FOXRED2: variants seen among roughly 807,000 people sequenced by gnomAD.
FOXRED2 encodes FAD dependent oxidoreductase domain containing 2.
FOXRED2 carries 32 observed loss-of-function variants against 52.5 expected under a neutral mutation model. The ratio of observed to expected loss-of-function variants is 0.61; its 90% CI spans 0.46 to 0.82. The LOEUF is 0.82. Ranked by LOEUF, FOXRED2 falls within the 40% of genes least tolerant of loss-of-function variation. The pLI, the probability that FOXRED2 is intolerant of heterozygous loss-of-function variation, is 0.00. For missense variants in FOXRED2, 848 were observed against 937.5 expected, an observed-to-expected ratio of 0.90 and a Z score of 1.25; for synonymous variants, 405 against 398.1, an observed-to-expected ratio of 1.02 and a Z score of -0.21.
At position 36,506,369 on chromosome 22, in the gene FOXRED2, G is replaced by A. The variant is rs911774976; in HGVS notation, c.54C>T (p.Ala18=). The change falls in exon 2 of 9, where the codon GCC becomes GCT. Residue 18 remains alanine, a synonymous_variant. Transcript: ENST00000397224. ...PLWGPPGLLL[A]IALHPALSVP... ...CCGACAGCGCTGGGTGCAGGGCGAT[G>A]GCCAGGAGCAGCCCCGGGGGACCCC... is the stretch of plus-strand genomic sequence containing the variant. The A allele has an allele frequency of 1.2e-5, 17 of 1,450,156 alleles. No individual in the cohort carries two copies. The highest frequency in any genetic ancestry group is 2.8e-5 in the South Asian group (2 of 70,414). 89.8% of individuals were successfully genotyped at this position (1,450,156 alleles called of 1,614,324 possible).
rs140581249 is a variant in FOXRED2, at chr22:36,500,429, T to A, written c.1216+812A>T. On this transcript the variant is annotated intron_variant, in intron 5 of 8. Transcript: ENST00000397224. ...CCATTTACTCCTAAAATCACAAGTA[T>A]CAATTTTTGGTTGGGGATTATTTTA... is the stretch of plus-strand genomic sequence containing the variant. Among the ~76,000 whole-genome samples the A allele has an allele frequency of 2.2e-3, 333 of 152,306 alleles. 3 individuals carry two copies. Among genetic ancestry groups the A allele is most frequent in the Non-Finnish European group, 9.0e-4 (61 of 68,026 alleles).
rs1332770232 is a variant in FOXRED2, at chr22:36,506,351, C to A, written c.72G>T (p.Ala24=). 6.8e-7 allele frequency: 1 copy of A among 1,479,022 alleles called. No individual in the cohort carries two copies. Among genetic ancestry groups the A allele is most frequent in the Admixed American group, 2.3e-5 (1 of 44,220 alleles). The allele number at this position is 1,479,022 out of a possible 1,614,324, so 91.6% of individuals were successfully genotyped here. A position where few individuals can be genotyped will look rare whatever the true frequency, so the allele number is the denominator to read the frequency against. ...GLLLAIALHP[A]LSVPPRRDYC... Reference sequence around the variant, plus strand: ...AGTCCCGGCGCGGGGGCACCGACAGCGCTGGGTGCAGGGCGATGGCCAGGA... The same window carrying A: ...AGTCCCGGCGCGGGGGCACCGACAGAGCTGGGTGCAGGGCGATGGCCAGGA... The change falls in exon 2 of 9, where the codon GCG becomes GCT. Residue 24 remains alanine (A), a synonymous_variant. Coordinates refer to ENST00000397224, the MANE Select transcript of FOXRED2 (RefSeq NM_001102371.2).
chr22:36,504,121 G>T lies in FOXRED2; in HGVS notation c.1026C>A (p.Asn342Lys). 1 of 1,614,218 alleles carries T rather than the reference G, an allele frequency of 6.2e-7. No individual in the cohort carries two copies. Among genetic ancestry groups the T allele is most frequent in the Non-Finnish European group, 8.5e-7 (1 of 1,180,030 alleles). ...ACTTATTGAAAATGGAGAAGTCAAAGTTCCAGCCCAGGCAGCGGATTACCC... is the reference window on the plus strand; with the variant it reads ...ACTTATTGAAAATGGAGAAGTCAAATTTCCAGCCCAGGCAGCGGATTACCC... ...YDRVIRCLGW[N>K]FDFSIFNKSL... The change falls in exon 4 of 9, where the codon AAC (asparagine) becomes AAA (lysine). Residue 342 changes from asparagine (N) to lysine (K), a missense_variant. Transcript: ENST00000397224.
At chr22:36,493,563 G>T in intron 8 of FOXRED2, 70 bp downstream of exon 8, 1 of 1,402,634 alleles carries the variant, frequency 7.1e-7, no homozygotes, top group Non-Finnish European at 9.9e-7. Flanking sequence ...AACTCCACGG[G>T]TCTTGGGTCT....
chr22:36,504,685 G>A lies in FOXRED2; in HGVS notation c.609C>T (p.Ser203=), dbSNP rs61730825. 4,195 of 1,614,174 alleles carry A rather than the reference G, an allele frequency of 2.6e-3. 9 individuals are homozygous for A. The highest frequency in any genetic ancestry group is 3.4e-3 in the African/African-American group (258 of 75,048). Residue 203 remains serine (S), a synonymous_variant, in exon 3 of 9, where the codon TCC becomes TCT. Transcript: ENST00000397224. ...CAAAGTCCTCAGGGTCCACGGACAC[G>A]GACTCGTAACCCTCTGCATATTCGG... ...PGSEYAEGYE[S]VSVDPEDFVG...
At chr22:36,494,228 T>C (rs1310838931) in intron 7 of FOXRED2, among the ~76,000 whole-genome samples, 2 of 152,178 alleles carry the variant, frequency 1.3e-5, no homozygotes, top group Non-Finnish European at 2.9e-5. Flanking sequence ...GCGATTCTTG[T>C]GCCTCTGCCT....
chr22:36,495,136 GTTTTTT>G (rs71324810), intron 7 of FOXRED2, among the ~76,000 whole-genome samples: 4 of 151,786 alleles, frequency 2.6e-5, no homozygotes, highest in Admixed American at 2.0e-4. Flanking sequence ...TTTTTTTCAT[GTTTTTT>G]TAGAGATGGG....
chr22:36,505,794 C>T (rs1397888650), intron 2 of FOXRED2, 102 bp downstream of exon 2: 2 of 1,255,324 alleles, frequency 1.6e-6, no homozygotes, highest in Non-Finnish European at 2.2e-6. Flanking sequence ...AGCGAAATAC[C>T]CTTTTTCGTC....
At chr22:36,498,862 A>G (rs1385665958) in intron 5 of FOXRED2, among the ~76,000 whole-genome samples, 1 of 148,954 alleles carries the variant, frequency 6.7e-6, no homozygotes, top group Non-Finnish European at 1.5e-5. Flanking sequence ...GTACTGTAAG[A>G]CCCCTCTGCA....
At chr22:36,500,515 C>T (rs1379904626) in intron 5 of FOXRED2, among the ~76,000 whole-genome samples, 1 of 151,654 alleles carries the variant, frequency 6.6e-6, no homozygotes, top group Non-Finnish European at 1.5e-5. Flanking sequence ...TAAACATTCT[C>T]AAGTTGGCAG....
chr22:36,491,023 G>C (rs190260260), intron 8 of FOXRED2, among the ~76,000 whole-genome samples: 1 of 152,112 alleles, frequency 6.6e-6, no homozygotes, highest in Non-Finnish European at 1.5e-5. Flanking sequence ...TTAGCCAGGC[G>C]TAGTGACAAA....
rs376119704 is a variant in FOXRED2 at position 36,490,240 on chromosome 22, C to A, written c.1823G>T (p.Arg608Leu). 18 of 1,611,250 alleles carry A rather than the reference C, an allele frequency of 1.1e-5. No individual in the cohort carries two copies. The highest frequency in any genetic ancestry group is 7.7e-5 in the South Asian group (7 of 90,910). The change falls in exon 9 of 9, where the codon CGC becomes CTC. Residue 608 changes from arginine to leucine, a missense_variant. Coordinates refer to ENST00000397224, the MANE Select transcript of FOXRED2 (RefSeq NM_001102371.2). ...CTGGCAAAAGGGTGGCAACTTCTGG[C>A]GCGTGAGGGCGAACAGGAAGCAGGA... ...AESCFLFALT[R>L]QKLPPFCQQG... is the part of the protein sequence containing the mutation.
chr22:36,493,908 C>T (rs1933826858), intron 7 of FOXRED2, 105 bp from the exon 8 acceptor site: 2 of 988,574 alleles, frequency 2.0e-6, no homozygotes, highest in African/African-American at 1.6e-5. Context: ...TTCCCTCGTT[C>T]ACTCGTGCTC....
In FOXRED2 at chr22:36,489,395, G is replaced by A. The variant is rs1023671973; in HGVS notation, c.*613C>T. The stretch of plus-strand genomic sequence containing the variant: ...AGGGCTGACCCTCTTGGGCTCTGTA[G>A]CTAAGCCCAAACCCTGCTGAAAATG... On this transcript the variant is annotated 3_prime_UTR_variant, in exon 9 of 9. Transcript: ENST00000397224. The A allele has an allele frequency of 6.6e-6, 1 of 152,256 alleles. No individual in the cohort carries two copies. Among genetic ancestry groups the A allele is most frequent in the Non-Finnish European group, 1.5e-5 (1 of 68,060 alleles). 9.4% of individuals were successfully genotyped at this position (152,256 alleles called of 1,614,324 possible).
chr22:36,505,540 G>C (rs1238271623), intron 2 of FOXRED2, among the ~76,000 whole-genome samples: 1 of 152,006 alleles, frequency 6.6e-6, no homozygotes, highest in Non-Finnish European at 1.5e-5. Flanking sequence ...AGGCTGAGGT[G>C]GGTGGATCTC....
chr22:36,501,123 A>G, intron 5 of FOXRED2, 118 bp downstream of exon 5: 1 of 1,046,304 alleles, frequency 9.6e-7, no homozygotes, highest in Non-Finnish European at 1.4e-6. Flanking sequence ...AATTTATGAC[A>G]ATGAGCTACT....
chr22:36,491,457 C>T (rs1363765752), intron 8 of FOXRED2, among the ~76,000 whole-genome samples: 4 of 152,132 alleles, frequency 2.6e-5, no homozygotes, highest in African/African-American at 4.8e-5. Context: ...GGCTGGAGTA[C>T]AGTGGCACGA....
rs1384532916 is a variant in FOXRED2, at chr22:36,488,498, G to T, written c.*1510C>A. On this transcript the variant is annotated 3_prime_UTR_variant, in exon 9 of 9. Transcript: ENST00000397224. ...TGGTCTCGAATTCCTGAGCTCAGGT[G>T]ATCGGCCCACTTTGGCCTCCCAAAG... The T allele has an allele frequency of 6.6e-6, 1 of 152,196 alleles. No homozygotes were observed. The highest frequency in any genetic ancestry group is 2.4e-5 in the African/African-American group (1 of 41,444). 9.4% of individuals were successfully genotyped at this position (152,196 alleles called of 1,614,324 possible). A position where few individuals can be genotyped will look rare whatever the true frequency, so the allele number is the denominator to read the frequency against.
intron 8 of FOXRED2, among the ~76,000 whole-genome samples, chr22:36,491,590 G>A (rs1446718283): frequency 1.3e-5 from 2 of 151,916 alleles, no homozygotes; most frequent in Non-Finnish European, 1.5e-5. Flanking sequence ...TTTTAAGTAG[G>A]GAGAGGGTTT....
Sources: allele counts gnomAD v4.1 joint callset (sites outside exome capture counted in the v4.1 genomes callset), GRCh38; gene constraint gnomAD v4.1.1; transcripts MANE v1.5; gene names NCBI Gene and HGNC (gene_info 2026-07-23, HGNC 2026-07-21).